GLYATL1: variants seen among roughly 807,000 people sequenced by gnomAD.
GLYATL1 encodes the protein glycine N-acyltransferase-like protein 1.
A neutral mutation model predicts 20.0 loss-of-function variants in GLYATL1; 15 were observed. The ratio of observed to expected loss-of-function variants is 0.75; its 90% CI spans 0.50 to 1.15. The LOEUF is 1.15. GLYATL1 is among the 50% of genes most tolerant of loss of function. The pLI, the probability that GLYATL1 is intolerant of heterozygous loss-of-function variation, is 0.00. For missense variants in GLYATL1, 380 were observed against 368.5 expected (o/e 1.03, Z -0.26); for synonymous variants, 151 against 131.5 (o/e 1.15, Z -1.01).
chr11:58,920,910 G>A (rs773085629), intron 1 of GLYATL1, among the ~76,000 whole-genome samples: 1 of 152,192 alleles, frequency 6.6e-6, no homozygotes, highest in Non-Finnish European at 1.5e-5. Flanking sequence ...CTAGTTGCCT[G>A]GACAAGTATG....
rs140523246 is a variant in GLYATL1, at chr11:58,950,650, T to C, written c.186+2685T>C. ...CTAAGCAGGCAATGCCAAATTACCT[T>C]CCCAAAGGATTCCACAATTTTATTT... On this transcript the variant is annotated intron_variant, in intron 4 of 6. Coordinates refer to ENST00000532726, the MANE Select transcript of GLYATL1 (RefSeq NM_001389712.2). Among the ~76,000 whole-genome samples, 89 of 152,322 alleles carry C rather than the reference T, an allele frequency of 5.8e-4. No homozygotes were observed. The East Asian group carries it at 0.015, about 26-fold the overall frequency.
At chr11:58,905,897 C>A (rs1485998756) in intron 1 of GLYATL1, among the ~76,000 whole-genome samples, 2 of 152,228 alleles carry the variant, frequency 1.3e-5, no homozygotes, top group Non-Finnish European at 2.9e-5. Context: ...GAGGATGAAT[C>A]ATTTCCATCC....
chr11:58,947,369 A>G (rs1030669961), intron 3 of GLYATL1: 1 of 660,848 alleles, frequency 1.5e-6, no homozygotes, highest in African/African-American at 1.8e-5. Context: ...AGGTTTTGCC[A>G]CTCATTTGGA....
chr11:58,919,700 G>A (rs1855262227), intron 1 of GLYATL1, among the ~76,000 whole-genome samples: 1 of 152,158 alleles, frequency 6.6e-6, no homozygotes, highest in Admixed American at 6.5e-5. Context: ...AAATCCAGAA[G>A]CAAATTTTCA....
chr11:58,909,178 AT>A (rs1291331074), downstream of GLYATL1, among the ~76,000 whole-genome samples: 1 of 152,222 alleles, frequency 6.6e-6, no homozygotes, highest in Admixed American at 6.5e-5. Context: ...ACAGATCCTA[AT>A]GAATAATAAA....
chr11:58,943,182 A>G (rs1401679746), intron 1 of GLYATL1: 17 of 1,278,426 alleles, frequency 1.3e-5, no homozygotes, highest in Non-Finnish European at 1.7e-5. Flanking sequence ...GGTAAACTGT[A>G]ACGTAGCTTA....
intron 1 of GLYATL1, among the ~76,000 whole-genome samples, chr11:58,915,199 C>A (rs1202967412): frequency 1.3e-5 from 2 of 152,232 alleles, no homozygotes; most frequent in Non-Finnish European, 2.9e-5. Flanking sequence ...GCCAGTCACA[C>A]ATAAACTCTT....
upstream of GLYATL1, chr11:58,935,249 GC>G (rs1227078635): frequency 6.6e-6 from 1 of 152,410 alleles, no homozygotes; most frequent in South Asian, 2.1e-4. Flanking sequence ...GGCTTAGTGT[GC>G]AGGTACTAGC....
chr11:58,910,778 AAAGACTTT>A (rs1310120441), downstream of GLYATL1, among the ~76,000 whole-genome samples: 10 of 152,252 alleles, frequency 6.6e-5, no homozygotes, highest in African/African-American at 2.4e-4. Context: ...AGATTATTTG[AAAGACTTT>A]AACTTTTATT....
At chr11:58,911,836 A>T (rs546598627), downstream of GLYATL1, among the ~76,000 whole-genome samples, 29 of 152,274 alleles carry the variant, frequency 1.9e-4, 1 homozygote, top group Admixed American at 1.8e-3. Context: ...AGTTTACTTT[A>T]TATGTTTATT....
At chr11:58,950,904 T>G (rs1270842879) in intron 4 of GLYATL1, among the ~76,000 whole-genome samples, 1 of 152,168 alleles carries the variant, frequency 6.6e-6, no homozygotes, top group Non-Finnish European at 1.5e-5. Flanking sequence ...ACACTGGGGT[T>G]TTGTGTCATT....
At chr11:58,952,639 G>A (rs1857078413) in intron 4 of GLYATL1, among the ~76,000 whole-genome samples, 1 of 152,148 alleles carries the variant, frequency 6.6e-6, no homozygotes, top group African/African-American at 2.4e-5. Flanking sequence ...GATTCTTGGA[G>A]TATGGACAGA....
intron 1 of GLYATL1, 63 bp from the exon 2 acceptor site, chr11:58,943,480 A>G (rs1320927805): frequency 6.5e-7 from 1 of 1,540,402 alleles, no homozygotes; most frequent in African/African-American, 1.4e-5. Flanking sequence ...CGGATTCACA[A>G]ATTGTTTGTT....
intron 1 of GLYATL1, among the ~76,000 whole-genome samples, chr11:58,919,610 G>A (rs183891934): frequency 6.6e-6 from 1 of 152,050 alleles, no homozygotes; most frequent in East Asian, 1.9e-4. Context: ...GTCTGGGTGG[G>A]GAAAGCCTCA....
chr11:58,907,465 T>C (rs1211505771), exon 2 of GLYATL1: 2 of 309,692 alleles, frequency 6.5e-6, no homozygotes, highest in African/African-American at 8.3e-5. Flanking sequence ...ATTTCATGTA[T>C]TTCGCTCTTT....
chr11:58,938,834 A>C (rs1022367565), upstream of GLYATL1, among the ~76,000 whole-genome samples: 2 of 152,164 alleles, frequency 1.3e-5, no homozygotes, highest in Admixed American at 1.3e-4. Flanking sequence ...AGGCTGATGC[A>C]AAGGAGTCTG....
exon 2 of GLYATL1, chr11:58,907,945 A>T (rs1296586665): frequency 1.3e-5 from 2 of 153,414 alleles, no homozygotes; most frequent in Non-Finnish European, 2.9e-5. Context: ...GGGGAACTGA[A>T]ACCATTTTCT....
At chr11:58,922,759 T>TTACA (rs1215028905), upstream of GLYATL1, among the ~76,000 whole-genome samples, 6 of 152,202 alleles carry the variant, frequency 3.9e-5, no homozygotes, top group Admixed American at 1.3e-4. Context: ...TACAAGCATT[T>TTACA]TACAGTATGC....
intron 4 of GLYATL1, among the ~76,000 whole-genome samples, chr11:58,953,476 TTCTC>T (rs1319640211): frequency 2.6e-5 from 4 of 151,642 alleles, no homozygotes; most frequent in East Asian, 3.9e-4. Flanking sequence ...CTCTTTCTTC[TTCTC>T]TCTCTGTTTT....
Sources: allele counts gnomAD v4.1 joint callset (sites outside exome capture counted in the v4.1 genomes callset), GRCh38; gene constraint gnomAD v4.1.1; transcripts MANE v1.5; gene names NCBI Gene and HGNC (gene_info 2026-07-23, HGNC 2026-07-21).